Variants in NAV1 observed in about 807,000 individuals in gnomAD.
NAV1 encodes the protein pore membrane and/or filament interacting like protein 3.
Under a neutral mutation model 175.2 loss-of-function variants are expected in NAV1, and 18 were observed. The ratio of observed to expected loss-of-function variants is 0.10; its 90% confidence interval spans 0.07 to 0.15. The LOEUF (loss-of-function observed/expected upper bound fraction) is 0.15. NAV1 is among the 10% of genes least tolerant of loss of function. The probability of loss-of-function intolerance (pLI) is 1.00; values close to 1 mark genes in which losing one functional copy is unlikely to be tolerated. For synonymous variants in NAV1, 897 were observed against 978.7 expected (o/e 0.92, Z 1.56); for missense variants, 1,731 against 2,436.6 (o/e 0.71, Z 6.10).
At chr1:201,794,655 T>G in intron 15 of NAV1, 78 bp downstream of exon 19, 3 of 1,259,398 alleles carry the variant, frequency 2.4e-6, no homozygotes, top group Non-Finnish European at 3.5e-6. Context: ...TCTGGGCCCA[T>G]AGTATTCCAA....
In NAV1 at chr1:201,539,593, C is replaced by A. The variant is rs184795922; in HGVS notation, c.-144+251C>A. The stretch of plus-strand genomic sequence containing the variant: ...TATGGGACTGACTGCGCGTTTGATT[C>A]TAGAGTTGACTCTCCGGGGGGGCTG... On this transcript the variant is annotated intron_variant, in intron 1 of 33. Transcript: ENST00000685211. The surrounding 1 kb of genome is among the most constrained non-coding windows in gnomAD (Gnocchi z 5.6). 1.3e-5 allele frequency among the ~76,000 whole-genome samples: 2 copies of A among 152,282 alleles called. No individual in the cohort carries two copies. Among genetic ancestry groups the A allele is most frequent in the East Asian group, 3.9e-4 (2 of 5,166 alleles).
chr1:201,573,507 AG>A (rs1666607365), intron 1 of NAV1, among the ~76,000 whole-genome samples: 1 of 151,966 alleles, frequency 6.6e-6, no homozygotes, highest in South Asian at 2.1e-4. Flanking sequence ...CCTGACAGAG[AG>A]CTTTGTCCCC....
intron 17 of NAV1, among the ~76,000 whole-genome samples, chr1:201,805,262 A>G (rs1218460096): frequency 1.3e-5 from 2 of 152,200 alleles, no homozygotes; most frequent in East Asian, 1.9e-4. Context: ...AAAATTATAC[A>G]TATAAAATTA....
intron 3 of NAV1, among the ~76,000 whole-genome samples, chr1:201,762,901 T>C (rs1674952003): frequency 6.6e-6 from 1 of 152,180 alleles, no homozygotes; most frequent in Non-Finnish European, 1.5e-5. Context: ...GTAGGAATTA[T>C]CTCATGAAAT....
chr1:201,795,025 G>A (rs1252280701), intron 15 of NAV1: 1 of 156,356 alleles, frequency 6.4e-6, no homozygotes, highest in Non-Finnish European at 1.4e-5. Context: ...TGGACGTTTA[G>A]TAACCAGTCA....
chr1:201,772,104 C>A (rs1345698189), intron 3 of NAV1, among the ~76,000 whole-genome samples: 1 of 152,178 alleles, frequency 6.6e-6, no homozygotes, highest in Non-Finnish European at 1.5e-5. Context: ...TTAATCCTAA[C>A]CTTCAGGGAA....
At chr1:201,731,324 G>A (rs1051716639) in intron 3 of NAV1, among the ~76,000 whole-genome samples, 3 of 152,082 alleles carry the variant, frequency 2.0e-5, no homozygotes, top group Admixed American at 6.5e-5. Context: ...TCGACTGTTT[G>A]AGGACACAGG....
chr1:201,649,410 T>C, exon 1 of NAV1: 1 of 1,565,776 alleles, frequency 6.4e-7, no homozygotes, highest in African/African-American at 1.3e-5. Context: ...GCAGCTGCTC[T>C]TCAGCCAGAT....
At chr1:201,743,324 T>C (rs563092322) in intron 3 of NAV1, among the ~76,000 whole-genome samples, 1 of 152,338 alleles carries the variant, frequency 6.6e-6, no homozygotes, top group Admixed American at 6.5e-5. Flanking sequence ...GCCTGCGACT[T>C]TAGTTGGAAT....
intron 2 of NAV1, among the ~76,000 whole-genome samples, chr1:201,596,537 A>G (rs1474399195): frequency 6.6e-6 from 1 of 152,110 alleles, no homozygotes; most frequent in African/African-American, 2.4e-5. Flanking sequence ...TTGTTTGTTT[A>G]TGGATCAGGA....
chr1:201,779,587 G>A (rs511763), intron 3 of NAV1, among the ~76,000 whole-genome samples: 42,397 of 111,016 alleles, frequency 0.38, 7,716 homozygotes, highest in Admixed American at 0.45. Context: ...CAACAGAGCA[G>A]GACTCCGTCT....
chr1:201,781,935 T>C (rs572864024), intron 5 of NAV1, among the ~76,000 whole-genome samples: 51 of 152,270 alleles, frequency 3.3e-4, no homozygotes, highest in Non-Finnish European at 5.3e-4. Flanking sequence ...TTAATCAAAA[T>C]GGACCATTCT....
intron 1 of NAV1, among the ~76,000 whole-genome samples, chr1:201,562,821 C>T (rs1666240516): frequency 6.6e-6 from 1 of 152,070 alleles, no homozygotes; most frequent in African/African-American, 2.4e-5. Context: ...GCAGGCCCTG[C>T]CTACAGAGCC....
At chr1:201,643,792 T>G (rs1219740944), upstream of NAV1, among the ~76,000 whole-genome samples, 1 of 152,064 alleles carries the variant, frequency 6.6e-6, no homozygotes. Flanking sequence ...TGACCCCCAG[T>G]TCTCCTAACA....
At chr1:201,777,388 G>A (rs1457790359) in intron 3 of NAV1, among the ~76,000 whole-genome samples, 1 of 151,970 alleles carries the variant, frequency 6.6e-6, no homozygotes, top group East Asian at 1.9e-4. Flanking sequence ...AAAAATGGGA[G>A]GGCAAAAAAG....
intron 3 of NAV1, among the ~76,000 whole-genome samples, chr1:201,742,577 T>C (rs1335620522): frequency 2.0e-5 from 3 of 152,120 alleles, no homozygotes. Context: ...CTTCCAAGCA[T>C]GAAGTCCAGG....
chr1:201,807,854 C>T lies in NAV1; in HGVS notation c.3649-99C>T, dbSNP rs115592000. ...GGTGGCTTAATTAAAGTAAATCCCC[C>T]GCCTCCAGCTCTCTCTGTCTCAGAA... On this transcript the variant is annotated intron_variant, in intron 17 of 29. Coordinates refer to ENST00000367296, the Ensembl canonical transcript of NAV1. This position sits in a 1 kb window ranked among gnomAD's most constrained non-coding sequence, Gnocchi z 5.4. The T allele has an allele frequency of 1.8e-3, 2,150 of 1,163,424 alleles. 22 individuals are homozygous for T. In the African/African-American group the frequency reaches 0.023, roughly 13 times the overall value. The allele number at this position is 1,163,424 out of a possible 1,614,324, so 72.1% of individuals were successfully genotyped here.
At chr1:201,608,404 T>G (rs537514477) in intron 2 of NAV1, among the ~76,000 whole-genome samples, 1 of 152,218 alleles carries the variant, frequency 6.6e-6, no homozygotes, top group Non-Finnish European at 1.5e-5. Context: ...GATGCCCCTC[T>G]TGCTGTAGCT....
intron 3 of NAV1, among the ~76,000 whole-genome samples, chr1:201,779,602 A>AAAAAAAAAAAAAAAAAAG (rs1676184125): frequency 1.8e-5 from 1 of 55,768 alleles, no homozygotes; most frequent in African/African-American, 4.3e-5. Context: ...CCGTCTCAAA[A>AAAAAAAAAAAAAAAAAAG]AAAAAAAAAA....
Sources: allele counts gnomAD v4.1 joint callset (sites outside exome capture counted in the v4.1 genomes callset), GRCh38; gene constraint gnomAD v4.1.1; non-coding constraint Gnocchi (gnomAD v3.1); transcripts MANE v1.5; gene names NCBI Gene and HGNC (gene_info 2026-07-23, HGNC 2026-07-21).